ACVR2B: variants seen among roughly 807,000 people sequenced by gnomAD.
The protein encoded by ACVR2B is activin receptor type-2B.
A neutral mutation model predicts 65.1 loss-of-function variants in ACVR2B; 18 were observed. The observed-to-expected ratio is 0.28, with a 90% confidence interval of 0.19 to 0.41. ACVR2B has a LOEUF of 0.41. ACVR2B is among the 10% of genes least tolerant of loss of function. The probability of loss-of-function intolerance (pLI) is 1.00; values close to 1 mark genes in which losing one functional copy is unlikely to be tolerated. For missense variants in ACVR2B, 482 were observed against 682.7 expected (o/e 0.71, Z 3.28); for synonymous variants, 298 against 277.7 (o/e 1.07, Z -0.73).
At chr3:38,459,474 C>A (rs1389951780) in intron 1 of ACVR2B, 66 of 467,714 alleles carry the variant, frequency 1.4e-4, no homozygotes, top group Non-Finnish European at 1.8e-4. Flanking sequence ...TGGGGACTCT[C>A]TGCCTGCCCA....
Position 38,477,109 on chromosome 3 carries a change from T to C in ACVR2B, c.53-178T>C. On this transcript the variant is annotated intron_variant, in intron 1 of 10. Transcript: ENST00000352511. This position sits in a 1 kb window ranked among gnomAD's most constrained non-coding sequence, Gnocchi z 6.7. ...CTGGTGCCAGCTGGCACACGTAAAT[T>C]AAGAGGTGTGGGACGGATGGGTGGC... 6.2e-6 allele frequency: 4 copies of C among 648,426 alleles called. No homozygotes were observed. The highest frequency in any genetic ancestry group is 1.1e-5 in the Non-Finnish European group (4 of 373,788). 40.2% of individuals were successfully genotyped at this position (648,426 alleles called of 1,614,324 possible).
In ACVR2B at chr3:38,478,419, A is replaced by G. The variant is rs748670830; in HGVS notation, c.567A>G (p.Pro189=). The change falls in exon 5 of 11, where the codon CCA becomes CCG. Residue 189 remains proline, a synonymous_variant. Coordinates refer to ENST00000352511, the MANE Select transcript of ACVR2B (RefSeq NM_001106.4). Reference sequence around the variant, plus strand: ...CATCCCCTCTGGTGGGCCTGAAGCCACTGCAGCTGCTGGAGATCAAGGCTC... The same window carrying G: ...CATCCCCTCTGGTGGGCCTGAAGCCGCTGCAGCTGCTGGAGATCAAGGCTC... ...PPPSPLVGLK[P]LQLLEIKARG... is the part of the protein sequence containing the mutation. 16 of 1,613,920 alleles carry G rather than the reference A, an allele frequency of 9.9e-6. 1 individual carries two copies. The highest frequency in any genetic ancestry group is 8.5e-7 in the Non-Finnish European group (1 of 1,180,008).
At chr3:38,464,827 C>T (rs377634686) in intron 1 of ACVR2B, among the ~76,000 whole-genome samples, 9 of 151,908 alleles carry the variant, frequency 5.9e-5, no homozygotes, top group Non-Finnish European at 5.9e-5. Flanking sequence ...GAGACTGAGG[C>T]GGGGAGGATC....
chr3:38,460,543 T>A (rs1017300335), intron 1 of ACVR2B, among the ~76,000 whole-genome samples: 4 of 152,258 alleles, frequency 2.6e-5, no homozygotes, highest in Admixed American at 2.0e-4. Context: ...GCCCCATGCT[T>A]TCCCCTGGTT....
intron 1 of ACVR2B, chr3:38,459,617 G>A (rs1031521592): frequency 2.0e-6 from 2 of 985,326 alleles, no homozygotes; most frequent in African/African-American, 1.7e-5. Flanking sequence ...GCGCTCCGGG[G>A]AGCCGCAGAG....
Position 38,486,688 on chromosome 3 carries a change from G to C in ACVR2B, c.*3356G>C, listed in dbSNP as rs1490841160. 6.6e-6 allele frequency: 1 copy of C among 152,222 alleles called. No individual in the cohort carries two copies. The highest frequency in any genetic ancestry group is 2.1e-4 in the South Asian group (1 of 4,826). 9.4% of individuals were successfully genotyped at this position (152,222 alleles called of 1,614,324 possible). A position where few individuals can be genotyped will look rare whatever the true frequency, so the allele number is the denominator to read the frequency against. On this transcript the variant is annotated 3_prime_UTR_variant, in exon 11 of 11. Coordinates refer to ENST00000352511, the MANE Select transcript of ACVR2B (RefSeq NM_001106.4). ...GGTGGGAGGGGACCAAGTTAGCAGA[G>C]AGTAGCCAAGGATCCTTGCTTCTTC...
rs1482637989 is a variant in ACVR2B, at chr3:38,490,702, T to C, written c.*7370T>C. 6.6e-6 allele frequency: 1 copy of C among 152,646 alleles called. No homozygotes were observed. Among genetic ancestry groups the C allele is most frequent in the Non-Finnish European group, 1.5e-5 (1 of 68,042 alleles). The allele number at this position is 152,646 out of a possible 1,614,324, so 9.5% of individuals were successfully genotyped here. On this transcript the variant is annotated 3_prime_UTR_variant, in exon 11 of 11. Coordinates refer to ENST00000352511, the MANE Select transcript of ACVR2B (RefSeq NM_001106.4). The stretch of plus-strand genomic sequence containing the variant: ...TAAGAACCAGTTACCTCAGACCTCA[T>C]GTTGAACAGTGTCGCCATCTGGGTC...
In ACVR2B at chr3:38,483,125, C is replaced by T. The variant is rs762612194; in HGVS notation, c.1345-13C>T. 3 of 1,614,098 alleles carry T rather than the reference C, an allele frequency of 1.9e-6. No homozygotes were observed. The highest frequency in any genetic ancestry group is 1.3e-5 in the African/African-American group (1 of 75,052). On this transcript the variant is annotated splice_polypyrimidine_tract_variant and intron_variant, in intron 10 of 10. Coordinates refer to ENST00000352511, the MANE Select transcript of ACVR2B (RefSeq NM_001106.4). This position sits in a 1 kb window ranked among gnomAD's most constrained non-coding sequence, Gnocchi z 4.8. Reference sequence around the variant, plus strand: ...AACAAAGGTGTCTTTCCTGTCTGCCCTATGCTGCTTAGGGCCTGGCCCAGC... The same window carrying T: ...AACAAAGGTGTCTTTCCTGTCTGCCTTATGCTGCTTAGGGCCTGGCCCAGC...
In ACVR2B at chr3:38,491,754, G is replaced by A. The variant is rs906830810; in HGVS notation, c.*8422G>A. On this transcript the variant is annotated 3_prime_UTR_variant, in exon 11 of 11. Transcript: ENST00000352511. Reference sequence around the variant, plus strand: ...GGGAAGGAATTGTTAAAATGCCAGCGGCTTTTTTTTCCTCTTTTTTTCTGT... The same window carrying A: ...GGGAAGGAATTGTTAAAATGCCAGCAGCTTTTTTTTCCTCTTTTTTTCTGT... The A allele has an allele frequency of 2.0e-5, 3 of 152,150 alleles. No homozygotes were observed. Among genetic ancestry groups the A allele is most frequent in the African/African-American group, 2.4e-5 (1 of 41,424 alleles). The allele number at this position is 152,150 out of a possible 1,614,324, so 9.4% of individuals were successfully genotyped here.
At chr3:38,474,506 T>C (rs1709873565) in intron 1 of ACVR2B, 1 of 152,258 alleles carries the variant, frequency 6.6e-6, no homozygotes, top group South Asian at 2.1e-4. Context: ...CCCATCCATC[T>C]ATGATGTGTT....
At chr3:38,464,299 G>C (rs993391184) in intron 1 of ACVR2B, among the ~76,000 whole-genome samples, 1 of 152,198 alleles carries the variant, frequency 6.6e-6, no homozygotes, top group Non-Finnish European at 1.5e-5. Flanking sequence ...GGACAATCTT[G>C]TCTACACTGG....
At chr3:38,479,078 C>G (rs1041595310) in intron 5 of ACVR2B, 50 bp from the exon 6 acceptor site, 1 of 1,611,344 alleles carries the variant, frequency 6.2e-7, no homozygotes, top group Non-Finnish European at 8.5e-7. Flanking sequence ...GTGACTGCAG[C>G]AGGGCTAAGC....
At position 38,484,701 on chromosome 3, in the gene ACVR2B, A is replaced by T. The variant is rs1211494808; in HGVS notation, c.*1369A>T. 6.6e-6 allele frequency: 1 copy of T among 152,614 alleles called. No homozygotes were observed. Among genetic ancestry groups the T allele is most frequent in the African/African-American group, 2.4e-5 (1 of 41,452 alleles). The allele number at this position is 152,614 out of a possible 1,614,324, so 9.5% of individuals were successfully genotyped here. On this transcript the variant is annotated 3_prime_UTR_variant, in exon 11 of 11. Coordinates refer to ENST00000352511, the MANE Select transcript of ACVR2B (RefSeq NM_001106.4). The stretch of plus-strand genomic sequence containing the variant: ...AAAACACACACATCCACATATACAC[A>T]TGCTTCGCTATGTGGCTTCCAAGGT...
intron 6 of ACVR2B, 77 bp downstream of exon 6, chr3:38,479,348 C>T: frequency 6.2e-7 from 1 of 1,604,240 alleles, no homozygotes; most frequent in South Asian, 1.1e-5. Flanking sequence ...TATGATGACC[C>T]CTTCCCTGTG....
chr3:38,479,804 C>T lies in ACVR2B; in HGVS notation c.937C>T (p.His313Tyr). ...TGTGCCCTGGTGCCGTGGCGAGGGC[C>T]ACAAGCCGTCTATTGCCCACAGGTA... ...EDVPWCRGEG[H>Y]KPSIAHRDFK... Residue 313 changes from histidine (H) to tyrosine (Y), a missense_variant, in exon 7 of 11, where the codon CAC (histidine) becomes TAC (tyrosine). This residue lies in a region of ACVR2B where 223 missense variants were observed against 386.3 expected (regional missense o/e 0.58). Coordinates refer to ENST00000352511, the MANE Select transcript of ACVR2B (RefSeq NM_001106.4). 1 of 1,614,190 alleles carries T rather than the reference C, an allele frequency of 6.2e-7. No individual in the cohort carries two copies. The highest frequency in any genetic ancestry group is 8.5e-7 in the Non-Finnish European group (1 of 1,180,022).
chr3:38,488,857 T>TG lies in ACVR2B; in HGVS notation c.*5526dup, dbSNP rs1290154907. 6.6e-6 allele frequency: 1 copy of TG among 152,202 alleles called. No homozygotes were observed. The highest frequency in any genetic ancestry group is 1.5e-5 in the Non-Finnish European group (1 of 68,034). 9.4% of individuals were successfully genotyped at this position (152,202 alleles called of 1,614,324 possible). A position where few individuals can be genotyped will look rare whatever the true frequency, so the allele number is the denominator to read the frequency against. ...TTTCTCTAGGGCAGTGTCTTTGGAT[T>TG]GTCTAGGGCCTAGGTAATTCTGAGA... is the stretch of plus-strand genomic sequence containing the variant. On this transcript the variant is annotated 3_prime_UTR_variant, in exon 11 of 11. Transcript: ENST00000352511.
At position 38,478,170 on chromosome 3, in the gene ACVR2B, A is replaced by T. The variant is rs1019587219; in HGVS notation, c.400A>T (p.Thr134Ser). ...GTACGAGCCACCCCCGACAGCCCCC[A>T]CCCTGCTCACGGTGCTGGCCTACTC... ...VTYEPPPTAP[T>S]LLTVLAYSLL... Residue 134 changes from threonine to serine, a missense_variant, in exon 4 of 11, where the codon ACC (threonine) becomes TCC (serine). Physicochemically the swap from Thr to Ser is moderately conservative, Grantham distance 58. Transcript: ENST00000352511. 1.2e-6 allele frequency: 2 copies of T among 1,612,292 alleles called. No individual in the cohort carries two copies. Among genetic ancestry groups the T allele is most frequent in the Non-Finnish European group, 1.7e-6 (2 of 1,179,788 alleles).
At chr3:38,454,722 G>T in intron 1 of ACVR2B, 1 of 211,690 alleles carries the variant, frequency 4.7e-6, no homozygotes, top group Non-Finnish European at 9.4e-6. Context: ...CGGCCAAGAG[G>T]GGTGGGCAGA....
chr3:38,479,076 A>C, intron 5 of ACVR2B, 52 bp from the exon 6 acceptor site: 3 of 1,611,358 alleles, frequency 1.9e-6, no homozygotes, highest in Non-Finnish European at 2.5e-6. Context: ...ATGTGACTGC[A>C]GCAGGGCTAA....
Sources: allele counts gnomAD v4.1 joint callset (sites outside exome capture counted in the v4.1 genomes callset), GRCh38; gene constraint gnomAD v4.1.1; regional missense constraint gnomAD v4.1.1; non-coding constraint Gnocchi (gnomAD v3.1); transcripts MANE v1.5; gene names NCBI Gene and HGNC (gene_info 2026-07-23, HGNC 2026-07-21).